ANXA9: variants seen among roughly 807,000 people sequenced by gnomAD.
ANXA9 encodes the protein annexin 31.
In ANXA9, 47 loss-of-function variants were observed where a neutral mutation model predicts 51.8. The observed-to-expected ratio is 0.91, with a 90% confidence interval of 0.72 to 1.16. The LOEUF (loss-of-function observed/expected upper bound fraction) is 1.16, where lower values mean the gene tolerates loss of function less well. ANXA9 is among the 50% of genes most tolerant of loss of function. The pLI is 0.00. For synonymous variants in ANXA9, 154 were observed against 168.7 expected (o/e 0.91, Z 0.68); for missense variants, 361 against 424.7 (o/e 0.85, Z 1.32).
chr1:150,993,197 A>C (rs1038231019), intron 12 of ANXA9, among the ~76,000 whole-genome samples: 4 of 152,146 alleles, frequency 2.6e-5, no homozygotes, highest in East Asian at 1.9e-4. Flanking sequence ...AAAAAAAAAA[A>C]CACAGGAATT....
chr1:150,989,092 G>C (rs1247939497), intron 12 of ANXA9, among the ~76,000 whole-genome samples: 1 of 151,356 alleles, frequency 6.6e-6, no homozygotes, highest in African/African-American at 2.4e-5. Context: ...CGATTTTCCT[G>C]CCTCAGCCTC....
Position 150,984,691 on chromosome 1 carries a change from G to C in ANXA9, c.472+15G>C. 6.2e-7 allele frequency: 1 copy of C among 1,609,800 alleles called. No individual in the cohort carries two copies. On this transcript the variant is annotated intron_variant, in intron 7 of 13. Coordinates refer to ENST00000368947, the MANE Select transcript of ANXA9 (RefSeq NM_003568.3). ...CTACAAACACAGTAAGAATATAGAGGGAGGGGTCCCAGATGCTGGAGAAGG... is the reference window on the plus strand; with the variant it reads ...CTACAAACACAGTAAGAATATAGAGCGAGGGGTCCCAGATGCTGGAGAAGG...
chr1:150,991,457 T>C (rs587622984), intron 12 of ANXA9, among the ~76,000 whole-genome samples: 1 of 151,480 alleles, frequency 6.6e-6, no homozygotes, highest in African/African-American at 2.4e-5. Flanking sequence ...GGCTGGTCCT[T>C]AACTCCTGAT....
chr1:150,983,875 C>A, intron 4 of ANXA9, 100 bp from the exon 5 acceptor site: 1 of 1,177,202 alleles, frequency 8.5e-7, no homozygotes, highest in Non-Finnish European at 1.2e-6. Flanking sequence ...TGCTCCTTTC[C>A]TTCCCAGCCC....
At chr1:150,984,987 A>T (rs1671514957) in intron 7 of ANXA9, among the ~76,000 whole-genome samples, 1 of 151,546 alleles carries the variant, frequency 6.6e-6, no homozygotes. Context: ...ATAAAGGAAA[A>T]CCTCATCTGT....
intron 9 of ANXA9, 73 bp downstream of exon 9, chr1:150,986,734 C>T (rs897297159): frequency 1.2e-5 from 17 of 1,436,054 alleles, no homozygotes; most frequent in African/African-American, 8.6e-5. Flanking sequence ...ATCTTAGAGC[C>T]GGTGACCTAC....
In ANXA9 at chr1:150,983,331, C is replaced by T; in HGVS notation, c.76-7C>T. 6.2e-7 allele frequency: 1 copy of T among 1,613,722 alleles called. No individual in the cohort carries two copies. Among genetic ancestry groups the T allele is most frequent in the Non-Finnish European group, 8.5e-7 (1 of 1,179,786 alleles). ...TGGCCCTTGCCAACTACCCTGTGCT[C>T]CCACAGACTGCAGCGTGGGGGACCC... On this transcript the variant is annotated splice_polypyrimidine_tract_variant and splice_region_variant and intron_variant, in intron 3 of 13. Transcript: ENST00000368947.
rs760392703 is a variant in ANXA9 at position 150,983,995 on chromosome 1, G to C, written c.193G>C (p.Val65Leu). 4 of 1,612,826 alleles carry C rather than the reference G, an allele frequency of 2.5e-6. No homozygotes were observed. The South Asian group carries it at 4.4e-5, about 18-fold the overall frequency. Reference sequence around the variant, plus strand: ...TTCAGGCGTGGACCGCAGTGCCATTGTGGACGTGCTGACCAACCGGAGCAG... The same window carrying C: ...TTCAGGCGTGGACCGCAGTGCCATTCTGGACGTGCTGACCAACCGGAGCAG... Reference protein sequence around the residue: ...TGQGVDRSAIVDVLTNRSREQ... With the variant: ...TGQGVDRSAILDVLTNRSREQ... The change falls in exon 5 of 14, where the codon GTG becomes CTG. Residue 65 changes from valine (V) to leucine (L), a missense_variant. Transcript: ENST00000368947.
At chr1:150,993,633 C>CTTTTTTTTTTTTTTT (rs35186445) in intron 12 of ANXA9, among the ~76,000 whole-genome samples, 1 of 104,184 alleles carries the variant, frequency 9.6e-6, no homozygotes, top group African/African-American at 3.9e-5. Flanking sequence ...TTCTTTCTTT[C>CTTTTTTTTTTTTTTT]TTTTTTTTTT....
chr1:150,995,363 G>T lies in ANXA9; in HGVS notation c.*41G>T, dbSNP rs1296565872. On this transcript the variant is annotated 3_prime_UTR_variant, in exon 14 of 14. Transcript: ENST00000368947. ...CCCCACATGACATCCGAGGATCTGA[G>T]ATTTCCGTGTTTGGCTGAACCTGGG... is the stretch of plus-strand genomic sequence containing the variant. 1 of 1,565,234 alleles carries T rather than the reference G, an allele frequency of 6.4e-7. No individual in the cohort carries two copies. The highest frequency in any genetic ancestry group is 1.2e-5 in the South Asian group (1 of 85,124).
chr1:150,994,451 A>C (rs988123078), intron 12 of ANXA9, 126 bp from the exon 13 acceptor site: 1 of 1,420,154 alleles, frequency 7.0e-7, no homozygotes, highest in African/African-American at 1.4e-5. Context: ...ATAATGTATA[A>C]TGTACACTCT....
chr1:150,995,430 AC>A lies in ANXA9; in HGVS notation c.*110del. 1 of 946,886 alleles carries A rather than the reference AC, an allele frequency of 1.1e-6. No individual in the cohort carries two copies. The highest frequency in any genetic ancestry group is 1.6e-6 in the Non-Finnish European group (1 of 640,766). 58.7% of individuals were successfully genotyped at this position (946,886 alleles called of 1,614,324 possible). A position where few individuals can be genotyped will look rare whatever the true frequency, so the allele number is the denominator to read the frequency against. On this transcript the variant is annotated 3_prime_UTR_variant, in exon 14 of 14. Transcript: ENST00000368947. ...CAAGTAGGATAACCCCTCACTGAGC[AC>A]CACATTCTCTAGCTTCTTGTTGAGG...
At chr1:150,986,436 A>G in intron 8 of ANXA9, 21 bp downstream of exon 8, 1 of 1,612,494 alleles carries the variant, frequency 6.2e-7, no homozygotes, top group Non-Finnish European at 8.5e-7. Context: ...CTGACCTGCA[A>G]GGAAGGGAGT....
chr1:150,994,924 T>G (rs1309888772), intron 13 of ANXA9: 2 of 616,284 alleles, frequency 3.2e-6, no homozygotes, highest in Non-Finnish European at 4.1e-6. Flanking sequence ...AAACCCCGTC[T>G]CTACTAAAAA....
In ANXA9 at chr1:150,995,308, G is replaced by T; in HGVS notation, c.1024G>T (p.Ala342Ser). The T allele has an allele frequency of 6.2e-7, 1 of 1,609,086 alleles. No homozygotes were observed. ...CQSALLALCR[A>S]EDM The stretch of plus-strand genomic sequence containing the variant: ...GTCAGCCCTCCTGGCCTTGTGCAGG[G>T]CTGAAGACATGTGAGACTTCCCTGC... The change falls in exon 14 of 14, where the codon GCT becomes TCT. Residue 342 changes from alanine (A) to serine (S), a missense_variant. Coordinates refer to ENST00000368947, the MANE Select transcript of ANXA9 (RefSeq NM_003568.3).
At chr1:150,990,088 C>T (rs1671659951) in intron 12 of ANXA9, among the ~76,000 whole-genome samples, 2 of 151,824 alleles carry the variant, frequency 1.3e-5, no homozygotes, top group African/African-American at 2.4e-5. Context: ...GTGGGAGGAT[C>T]GCTTGAGGTC....
At chr1:150,984,115 C>T (rs936298285) in intron 5 of ANXA9, 46 bp downstream of exon 5, 2 of 1,585,160 alleles carry the variant, frequency 1.3e-6, no homozygotes, top group African/African-American at 1.4e-5. Flanking sequence ...GGGTGAGAAA[C>T]CCCCTGGAGG....
chr1:150,978,906 A>C (rs1671374521), upstream of ANXA9, among the ~76,000 whole-genome samples: 1 of 151,856 alleles, frequency 6.6e-6, no homozygotes, highest in Admixed American at 6.6e-5. Flanking sequence ...GGAGGTTGCA[A>C]TGAGCCGAGA....
upstream of ANXA9, among the ~76,000 whole-genome samples, chr1:150,981,188 G>A (rs1313159569): frequency 1.3e-5 from 2 of 152,316 alleles, no homozygotes; most frequent in South Asian, 4.1e-4. Context: ...AGAGAAAAGT[G>A]AGGAGCAGTG....
Sources: gnomAD v4.1 joint callset for allele counts (sites outside exome capture counted in the v4.1 genomes callset) on GRCh38, gnomAD v4.1.1 for gene constraint, MANE v1.5 for transcripts, NCBI Gene and HGNC (gene_info 2026-07-23, HGNC 2026-07-21) for gene names.